The following ZNF487 variants were observed in gnomAD, a reference collection of about 807,000 sequenced individuals.
The protein encoded by ZNF487 is zinc finger protein 487, also known as KRAB domain only 1.
A neutral mutation model predicts 3.0 loss-of-function variants in ZNF487; 4 were observed. That is an observed-to-expected ratio of 1.35 (90% CI 0.66 to 3.08). The LOEUF (loss-of-function observed/expected upper bound fraction) is 3.08. Among genes scored for constraint, ZNF487 ranks in the 30% most tolerant of loss-of-function variants. The pLI, the probability that ZNF487 is intolerant of heterozygous loss-of-function variation, is 0.01. For synonymous variants in ZNF487, 55 were observed against 34.6 expected, an observed-to-expected ratio of 1.59 and a Z score of -2.06; for missense variants, 146 against 98.7, an observed-to-expected ratio of 1.48 and a Z score of -2.03.
intron 3 of ZNF487, among the ~76,000 whole-genome samples, chr10:43,478,599 T>TAAACC (rs1841191977): frequency 6.6e-6 from 1 of 151,848 alleles, no homozygotes; most frequent in Non-Finnish European, 1.5e-5. Context: ...CATACACCAG[T>TAAACC]AGTCTCAGTT....
At chr10:43,470,586 T>C (rs1330544722) in intron 1 of ZNF487, among the ~76,000 whole-genome samples, 1 of 152,120 alleles carries the variant, frequency 6.6e-6, no homozygotes, top group Non-Finnish European at 1.5e-5. Flanking sequence ...GGGTTCTCCA[T>C]GTTGGTCAGG....
downstream of ZNF487, among the ~76,000 whole-genome samples, chr10:43,487,929 C>CAAAAAAAAAAAAAA (rs76705594): frequency 2.0e-4 from 8 of 40,458 alleles, no homozygotes; most frequent in African/African-American, 3.8e-4. Flanking sequence ...TACCAAAATA[C>CAAAAAAAAAAAAAA]AAAAAAAAAA....
chr10:43,461,511 G>T (rs114529760), intron 1 of ZNF487, among the ~76,000 whole-genome samples: 5,294 of 151,952 alleles, frequency 0.035, 220 homozygotes, highest in African/African-American at 0.098. Flanking sequence ...TTTAGAGATG[G>T]TGTTTTGCTA....
At chr10:43,447,361 G>A (rs1283756709) in intron 1 of ZNF487, among the ~76,000 whole-genome samples, 1 of 152,024 alleles carries the variant, frequency 6.6e-6, no homozygotes, top group African/African-American at 2.4e-5. Flanking sequence ...TCCTGCCTTA[G>A]CCTCCTGAGA....
intron 1 of ZNF487, among the ~76,000 whole-genome samples, chr10:43,441,098 A>T (rs189056927): frequency 9.0e-4 from 98 of 108,512 alleles, no homozygotes; most frequent in African/African-American, 3.0e-3. Flanking sequence ...TGTATTGCCC[A>T]GGCTGGTCTT....
intron 1 of ZNF487, among the ~76,000 whole-genome samples, chr10:43,459,825 G>A (rs1253975412): frequency 1.4e-5 from 2 of 146,778 alleles, no homozygotes; most frequent in Non-Finnish European, 3.0e-5. Flanking sequence ...TTTCTGAGAT[G>A]GAGTCTCGCT....
intron 1 of ZNF487, among the ~76,000 whole-genome samples, chr10:43,470,507 C>A (rs1167752256): frequency 6.6e-6 from 1 of 152,078 alleles, no homozygotes; most frequent in Non-Finnish European, 1.5e-5. Context: ...CCTCAGCCTC[C>A]CAAGTACCTG....
chr10:43,469,495 CATTT>C (rs1308625068), intron 1 of ZNF487, among the ~76,000 whole-genome samples: 1 of 151,970 alleles, frequency 6.6e-6, no homozygotes, highest in Non-Finnish European at 1.5e-5. Context: ...GCCTGGCCAT[CATTT>C]ATTTATTTAT....
At chr10:43,521,911 A>G in the ZNF487 span, among the ~76,000 whole-genome samples, 1 of 77,686 alleles carries the variant, frequency 1.3e-5, no homozygotes, top group Non-Finnish European at 2.6e-5. Context: ...GGATGACTTT[A>G]TATATACAAA....
At chr10:43,489,498 C>T in the ZNF487 span, among the ~76,000 whole-genome samples, 4 of 152,080 alleles carry the variant, frequency 2.6e-5, no homozygotes, top group Admixed American at 6.6e-5. Flanking sequence ...AGTTTATAGG[C>T]GCCGGCCACC....
At chr10:43,516,572 G>T in the ZNF487 span, among the ~76,000 whole-genome samples, 1 of 152,288 alleles carries the variant, frequency 6.6e-6, no homozygotes, top group African/African-American at 2.4e-5. Flanking sequence ...ATGCTGAGGG[G>T]CAAGGAGAGC....
At chr10:43,460,042 T>C (rs1169006915) in intron 1 of ZNF487, among the ~76,000 whole-genome samples, 1 of 151,900 alleles carries the variant, frequency 6.6e-6, no homozygotes, top group Non-Finnish European at 1.5e-5. Flanking sequence ...GACCTCATGA[T>C]CTGCCCGCCT....
At chr10:43,496,105 T>G in the ZNF487 span, 1 of 533,150 alleles carries the variant, frequency 1.9e-6, no homozygotes, top group Middle Eastern at 3.2e-4. Context: ...TGTACATGAA[T>G]GTAATGCTGG....
intron 1 of ZNF487, among the ~76,000 whole-genome samples, chr10:43,464,027 G>A (rs949592487): frequency 2.0e-5 from 3 of 151,922 alleles, no homozygotes; most frequent in African/African-American, 7.3e-5. Context: ...CAGTGTTCCA[G>A]TGAGAGGAAG....
rs1215789961 is a variant in ZNF487 at position 43,442,268 on chromosome 10, C to CA, written c.-94+5016dup. Among the ~76,000 whole-genome samples, 134 of 133,710 alleles carry CA rather than the reference C, an allele frequency of 1.0e-3. 1 individual carries two copies. In the East Asian group the frequency reaches 0.012, roughly 12 times the overall value. 87.7% of individuals were successfully genotyped at this position (133,710 alleles called of 152,430 possible). On this transcript the variant is annotated intron_variant, in intron 1 of 3. Coordinates refer to ENST00000437590, the MANE Select transcript of ZNF487 (RefSeq NM_001355444.3). ...ACAACAACAACAACAACAACAACAA[C>CA]AAAAAAAAAACAAAGAAAAAAACTC... is the stretch of plus-strand genomic sequence containing the variant.
At chr10:43,498,258 T>A in the ZNF487 span, among the ~76,000 whole-genome samples, 69 of 126,776 alleles carry the variant, frequency 5.4e-4, no homozygotes, top group East Asian at 0.012. Context: ...ATTTGGTATT[T>A]TATATATATA....
At chr10:43,441,493 C>T (rs1839608638) in intron 1 of ZNF487, among the ~76,000 whole-genome samples, 1 of 152,082 alleles carries the variant, frequency 6.6e-6, no homozygotes, top group African/African-American at 2.4e-5. Flanking sequence ...TCTCGAACTC[C>T]TGACCTCAGG....
At chr10:43,478,040 C>T (rs1030444677) in intron 3 of ZNF487, among the ~76,000 whole-genome samples, 2 of 151,940 alleles carry the variant, frequency 1.3e-5, no homozygotes, top group African/African-American at 4.8e-5. Flanking sequence ...GAAAACCAAT[C>T]CAGATATTTT....
At chr10:43,438,485 C>T (rs1839464544) in intron 1 of ZNF487, among the ~76,000 whole-genome samples, 1 of 152,254 alleles carries the variant, frequency 6.6e-6, no homozygotes, top group African/African-American at 2.4e-5. Context: ...TGCACCCAGC[C>T]CCCATATATT....
Sources: gnomAD v4.1 joint callset for allele counts (sites outside exome capture counted in the v4.1 genomes callset) on GRCh38, gnomAD v4.1.1 for gene constraint, MANE v1.5 for transcripts, NCBI Gene and HGNC (gene_info 2026-07-23, HGNC 2026-07-21) for gene names.